PSD3: variants seen among roughly 807,000 people sequenced by gnomAD.
The protein encoded by PSD3 is PH and SEC7 domain-containing protein 3.
In PSD3, 49 loss-of-function variants were observed where a neutral mutation model predicts 105.5. The ratio of observed to expected loss-of-function variants is 0.46; its 90% CI spans 0.37 to 0.59. The LOEUF is 0.59. PSD3 is among the 20% of genes least tolerant of loss of function. The pLI is 0.00. For missense variants in PSD3, 1,561 were observed against 1,263.8 expected (o/e 1.24, Z -3.57); for synonymous variants, 557 against 457.8 (o/e 1.22, Z -2.77).
At chr8:18,763,628 GA>G (rs1312086207) in intron 9 of PSD3, among the ~76,000 whole-genome samples, 1 of 152,008 alleles carries the variant, frequency 6.6e-6, no homozygotes, top group Non-Finnish European at 1.5e-5. Flanking sequence ...AAGAAACCAG[GA>G]GAAAAGGAAG....
At chr8:19,031,566 A>G (rs1039731879) in intron 1 of PSD3, among the ~76,000 whole-genome samples, 9 of 150,192 alleles carry the variant, frequency 6.0e-5, no homozygotes, top group Non-Finnish European at 1.3e-4. Flanking sequence ...ATCTGAAAAA[A>G]GTATCAAACA....
At chr8:18,705,998 G>T (rs1161792536) in intron 9 of PSD3, among the ~76,000 whole-genome samples, 1 of 152,134 alleles carries the variant, frequency 6.6e-6, no homozygotes, top group Non-Finnish European at 1.5e-5. Flanking sequence ...CATGTAACTT[G>T]CTTTGGCCAG....
intron 15 of PSD3, among the ~76,000 whole-genome samples, chr8:18,540,687 C>G (rs538972080): frequency 6.6e-6 from 1 of 152,152 alleles, no homozygotes; most frequent in Non-Finnish European, 1.5e-5. Flanking sequence ...TCTCCCTGTT[C>G]CCTCCTTGCC....
intron 4 of PSD3, among the ~76,000 whole-genome samples, chr8:18,825,850 C>A (rs113766194): frequency 7.7e-4 from 117 of 152,278 alleles, no homozygotes; most frequent in Non-Finnish European, 1.3e-3. Flanking sequence ...GAATCAAGTT[C>A]TTCCGTATTT....
chr8:18,867,229 G>C (rs540248122), intron 4 of PSD3, among the ~76,000 whole-genome samples: 46 of 152,276 alleles, frequency 3.0e-4, no homozygotes, highest in African/African-American at 1.1e-3. Context: ...GGCTGGAAGA[G>C]ACTTTGCTGA....
At chr8:19,010,626 G>A (rs1218347608) in intron 1 of PSD3, among the ~76,000 whole-genome samples, 3 of 152,068 alleles carry the variant, frequency 2.0e-5, no homozygotes, top group South Asian at 4.1e-4. Context: ...GATGGTCAAC[G>A]TAACTCAGAA....
At chr8:18,847,329 A>T (rs1032471525) in intron 4 of PSD3, among the ~76,000 whole-genome samples, 2 of 152,196 alleles carry the variant, frequency 1.3e-5, no homozygotes, top group African/African-American at 2.4e-5. Context: ...TAACCAGTGG[A>T]TGTTACTTCC....
intron 2 of PSD3, among the ~76,000 whole-genome samples, chr8:18,879,946 T>A (rs1818009224): frequency 6.6e-6 from 1 of 152,140 alleles, no homozygotes; most frequent in Non-Finnish European, 1.5e-5. Context: ...TAATGAAGAA[T>A]AAAACCAGAA....
chr8:18,808,218 G>A (rs1249365257), intron 4 of PSD3, among the ~76,000 whole-genome samples: 1 of 152,140 alleles, frequency 6.6e-6, no homozygotes, highest in African/African-American at 2.4e-5. Context: ...GTGTTTCCAT[G>A]TGTGCTTTTC....
chr8:18,838,419 T>C (rs952052926), intron 4 of PSD3, among the ~76,000 whole-genome samples: 3 of 152,200 alleles, frequency 2.0e-5, no homozygotes, highest in African/African-American at 7.2e-5. Context: ...AATGTAAATA[T>C]TATTCAGTAA....
At chr8:18,552,085 T>C (rs1471008219) in intron 15 of PSD3, among the ~76,000 whole-genome samples, 4 of 152,336 alleles carry the variant, frequency 2.6e-5, no homozygotes, top group East Asian at 1.9e-4. Context: ...AGAAAACACG[T>C]TGACATTAGG....
At chr8:19,061,370 C>T (rs796589721) in intron 1 of PSD3, among the ~76,000 whole-genome samples, 6 of 152,130 alleles carry the variant, frequency 3.9e-5, no homozygotes, top group African/African-American at 1.4e-4. Context: ...GGCGACAAGA[C>T]AAAACAAAAC....
intron 2 of PSD3, among the ~76,000 whole-genome samples, chr8:18,905,285 G>C (rs1159298669): frequency 6.6e-6 from 1 of 152,064 alleles, no homozygotes; most frequent in East Asian, 1.9e-4. Flanking sequence ...TCTCAATGAA[G>C]CTCTCCATGC....
At chr8:18,692,961 C>T (rs926032138) in intron 9 of PSD3, among the ~76,000 whole-genome samples, 4 of 152,052 alleles carry the variant, frequency 2.6e-5, no homozygotes, top group African/African-American at 4.8e-5. Flanking sequence ...GGTAGAATGT[C>T]CAGGTGGGAG....
At chr8:18,813,315 G>A (rs754346658) in intron 4 of PSD3, among the ~76,000 whole-genome samples, 4 of 152,154 alleles carry the variant, frequency 2.6e-5, no homozygotes, top group Non-Finnish European at 5.9e-5. Context: ...AAGACCAGGA[G>A]TTTGGTTCGA....
chr8:18,809,780 A>G (rs1811535525), intron 4 of PSD3, among the ~76,000 whole-genome samples: 1 of 152,074 alleles, frequency 6.6e-6, no homozygotes, highest in Non-Finnish European at 1.5e-5. Context: ...TTTTATTCCT[A>G]CTGTTTTTCT....
intron 4 of PSD3, among the ~76,000 whole-genome samples, chr8:18,860,816 G>A (rs1032019915): frequency 8.6e-5 from 13 of 151,988 alleles, no homozygotes; most frequent in East Asian, 1.9e-4. Flanking sequence ...GTATCATCTC[G>A]ATCAATTAAA....
chr8:18,796,706 A>C (rs539372951), intron 8 of PSD3, among the ~76,000 whole-genome samples: 3 of 152,188 alleles, frequency 2.0e-5, no homozygotes, highest in Admixed American at 1.3e-4. Flanking sequence ...CCCCTCCCCT[A>C]CTGAAAGCAT....
chr8:18,868,003 C>T lies in PSD3; in HGVS notation c.1305G>A (p.Glu435=), dbSNP rs533451370. 1 of 1,614,140 alleles carries T rather than the reference C, an allele frequency of 6.2e-7. No homozygotes were observed. Among genetic ancestry groups the T allele is most frequent in the South Asian group, 1.1e-5 (1 of 91,078 alleles). ...DEDILGPGYT[E]DSTDVYSSQF... is the part of the protein sequence containing the mutation. ...GGGAGCTGTACACGTCGGTGGAGTC[C>T]TCCGTATATCCAGGCCCAAGGATGT... The change falls in exon 4 of 16, where the codon GAG becomes GAA. Residue 435 remains glutamate (E), a synonymous_variant. Transcript: ENST00000327040.
Sources: allele counts gnomAD v4.1 joint callset (sites outside exome capture counted in the v4.1 genomes callset), GRCh38; gene constraint gnomAD v4.1.1; transcripts MANE v1.5; gene names NCBI Gene and HGNC (gene_info 2026-07-23, HGNC 2026-07-21).